The following PRMT8 variants were observed in gnomAD, a reference collection of about 807,000 sequenced individuals.
PRMT8 encodes protein arginine N-methyltransferase 8.
Under a neutral mutation model 47.1 loss-of-function variants are expected in PRMT8, and 7 were observed. The ratio of observed to expected loss-of-function variants is 0.15; its 90% confidence interval spans 0.08 to 0.28. The LOEUF is 0.28. Among genes scored for constraint, PRMT8 ranks in the 10% least tolerant of loss-of-function variants. The probability of loss-of-function intolerance (pLI) is 1.00; values close to 1 mark genes in which losing one functional copy is unlikely to be tolerated. For synonymous variants in PRMT8, 188 were observed against 186.5 expected (o/e 1.01, Z -0.07); for missense variants, 237 against 505.4 (o/e 0.47, Z 5.09).
chr12:3,414,501 C>G (rs143581400), intron 1 of PRMT8, among the ~76,000 whole-genome samples: 191 of 152,230 alleles, frequency 1.3e-3, no homozygotes, highest in African/African-American at 4.0e-3. Flanking sequence ...AGCCTGCAAG[C>G]GAGTGTGGGA....
rs1391430927 is a variant in PRMT8, at chr12:3,552,565, C to T, written c.418-1086C>T. 5 of 336,206 alleles carry T rather than the reference C, an allele frequency of 1.5e-5. No homozygotes were observed. The highest frequency in any genetic ancestry group is 1.1e-4 in the Admixed American group (3 of 26,116). The allele number at this position is 336,206 out of a possible 1,614,324, so 20.8% of individuals were successfully genotyped here. ...GGGGGAGAAGAAGAGGAGGGAATCA[C>T]ACCCCACAGACAGTGCAGCCTGAAG... On this transcript the variant is annotated intron_variant, in intron 3 of 9. Transcript: ENST00000382622. The surrounding 1 kb of genome is among the most constrained non-coding windows in gnomAD (Gnocchi z 4.5).
chr12:3,546,505 C>T (rs983677364), intron 2 of PRMT8, among the ~76,000 whole-genome samples: 7 of 152,102 alleles, frequency 4.6e-5, no homozygotes, highest in Non-Finnish European at 1.0e-4. Context: ...GACCTCCTGA[C>T]GATCACACAG....
At chr12:3,446,761 T>A (rs539598458) in intron 1 of PRMT8, among the ~76,000 whole-genome samples, 37 of 152,318 alleles carry the variant, frequency 2.4e-4, no homozygotes, top group Non-Finnish European at 4.3e-4. Flanking sequence ...GGGCACGGAT[T>A]ACCATCAGAA....
At chr12:3,468,377 T>G (rs1865125209) in intron 1 of PRMT8, among the ~76,000 whole-genome samples, 1 of 152,236 alleles carries the variant, frequency 6.6e-6, no homozygotes, top group Non-Finnish European at 1.5e-5. Flanking sequence ...ACCTTGTTTT[T>G]GTCTGTGCTT....
intron 1 of PRMT8, among the ~76,000 whole-genome samples, chr12:3,540,146 G>T (rs536602932): frequency 3.3e-5 from 5 of 152,148 alleles, no homozygotes; most frequent in African/African-American, 1.2e-4. Context: ...GGAAACTGAG[G>T]CACTGAGAAG....
chr12:3,593,449 G>A lies in PRMT8; in HGVS notation c.*267G>A, dbSNP rs764004037. 101 of 466,220 alleles carry A rather than the reference G, an allele frequency of 2.2e-4. No individual in the cohort carries two copies. Among genetic ancestry groups the A allele is most frequent in the Non-Finnish European group, 3.3e-4 (86 of 262,492 alleles). The allele number at this position is 466,220 out of a possible 1,614,324, so 28.9% of individuals were successfully genotyped here. On this transcript the variant is annotated 3_prime_UTR_variant, in exon 10 of 10. Coordinates refer to ENST00000382622, the MANE Select transcript of PRMT8 (RefSeq NM_019854.5). The surrounding 1 kb of genome is among the most constrained non-coding windows in gnomAD (Gnocchi z 4.8). ...ACCTGGCGTGCTGTGGCTGGGCCCC[G>A]AGGGTGGAAACGTATTCGCGTCTCC...
rs1193715746 is a variant in PRMT8, at chr12:3,572,473, AC to A, written c.712+2911del. Among the ~76,000 whole-genome samples the A allele has an allele frequency of 1.3e-5, 2 of 152,220 alleles. No homozygotes were observed. Among genetic ancestry groups the A allele is most frequent in the Admixed American group, 1.3e-4 (2 of 15,282 alleles). ...CCTGCTGAGAATGAGAGAGATGGGC[AC>A]CAGTTTCTTGGCTGATGAGAAGACT... On this transcript the variant is annotated intron_variant, in intron 6 of 9. Transcript: ENST00000382622. The surrounding 1 kb of genome is among the most constrained non-coding windows in gnomAD (Gnocchi z 5.9).
At chr12:3,540,522 G>A (rs529461315) in intron 1 of PRMT8, 84 bp from the exon 2 acceptor site, 3 of 916,960 alleles carry the variant, frequency 3.3e-6, no homozygotes, top group Non-Finnish European at 5.2e-6. Flanking sequence ...GGCTCAGGGA[G>A]GGGGAAGGAA....
At chr12:3,472,743 G>A (rs1865173248) in intron 1 of PRMT8, among the ~76,000 whole-genome samples, 1 of 152,122 alleles carries the variant, frequency 6.6e-6, no homozygotes, top group Non-Finnish European at 1.5e-5. Context: ...GGGACACTTA[G>A]CTGCTTGACT....
chr12:3,588,244 A>C (rs11062730), intron 8 of PRMT8, among the ~76,000 whole-genome samples: 9,344 of 152,296 alleles, frequency 0.061, 395 homozygotes, highest in Non-Finnish European at 0.081. Context: ...ACATTAAAGA[A>C]GCTTCTTGGT....
chr12:3,420,862 G>A (rs1411134838), intron 1 of PRMT8, among the ~76,000 whole-genome samples: 2 of 152,224 alleles, frequency 1.3e-5, no homozygotes, highest in Admixed American at 1.3e-4. Flanking sequence ...CAGTGAGGGA[G>A]AAGCAAAATG....
At chr12:3,581,415 G>A (rs1867063673) in intron 7 of PRMT8, among the ~76,000 whole-genome samples, 1 of 152,154 alleles carries the variant, frequency 6.6e-6, no homozygotes, top group Non-Finnish European at 1.5e-5. Context: ...GGAGATGCCA[G>A]GACGTGGACT....
chr12:3,548,881 C>CA (rs1866370919), intron 2 of PRMT8, among the ~76,000 whole-genome samples: 1 of 152,016 alleles, frequency 6.6e-6, no homozygotes, highest in Non-Finnish European at 1.5e-5. Flanking sequence ...GAATAAATAG[C>CA]AAAAAACTGG....
At chr12:3,416,910 G>T (rs1864489040) in intron 1 of PRMT8, among the ~76,000 whole-genome samples, 1 of 152,188 alleles carries the variant, frequency 6.6e-6, no homozygotes, top group African/African-American at 2.4e-5. Flanking sequence ...ACAAAGAACA[G>T]AAATATGAGT....
At chr12:3,394,177 C>T (rs945293038) in intron 1 of PRMT8, among the ~76,000 whole-genome samples, 2 of 150,574 alleles carry the variant, frequency 1.3e-5, no homozygotes, top group African/African-American at 2.4e-5. Context: ...TTGACTTCCT[C>T]TTTTCCTAAT....
chr12:3,532,431 G>A (rs1439703238), intron 1 of PRMT8, among the ~76,000 whole-genome samples: 2 of 150,008 alleles, frequency 1.3e-5, no homozygotes. Flanking sequence ...CCAACATGGT[G>A]AAACCCCGTC....
chr12:3,568,282 CTGGCCTTGCTGTCTCAGGGG>C (rs1866765417), intron 4 of PRMT8, among the ~76,000 whole-genome samples: 1 of 151,804 alleles, frequency 6.6e-6, no homozygotes, highest in South Asian at 2.1e-4. Context: ...AGAGGAAGGG[CTGGCCTTGCTGTCTCAGGGG>C]TGGCTGGAAG....
intron 1 of PRMT8, among the ~76,000 whole-genome samples, chr12:3,468,208 G>A (rs570609185): frequency 2.6e-5 from 4 of 152,162 alleles, no homozygotes; most frequent in African/African-American, 4.8e-5. Context: ...GATATCGTGC[G>A]TAAGCAGGTG....
At chr12:3,515,731 C>T (rs1162133375) in intron 1 of PRMT8, among the ~76,000 whole-genome samples, 3 of 152,224 alleles carry the variant, frequency 2.0e-5, no homozygotes, top group African/African-American at 7.2e-5. Flanking sequence ...CACTCTGAGC[C>T]TGGTGTGGTT....
Sources: gnomAD v4.1 joint callset for allele counts (sites outside exome capture counted in the v4.1 genomes callset) on GRCh38, gnomAD v4.1.1 for gene constraint, Gnocchi (gnomAD v3.1) non-coding constraint, MANE v1.5 for transcripts, NCBI Gene and HGNC (gene_info 2026-07-23, HGNC 2026-07-21) for gene names.